Variants in ESRP1 observed in about 807,000 individuals in gnomAD.
ESRP1 encodes RNA-binding motif protein 35A.
ESRP1 carries 33 observed loss-of-function variants against 81.7 expected under a neutral mutation model. The observed-to-expected ratio is 0.40, with a 90% confidence interval of 0.31 to 0.54. ESRP1 has a LOEUF of 0.54. ESRP1 is among the 20% of genes least tolerant of loss of function. ESRP1 has a pLI of 0.41. For synonymous variants in ESRP1, 320 were observed against 303.3 expected, an observed-to-expected ratio of 1.06 and a Z score of -0.57; for missense variants, 672 against 833.1, an observed-to-expected ratio of 0.81 and a Z score of 2.38.
chr8:94,651,239 CTTTTTTTTTTTT>C (rs35413910), intron 4 of ESRP1, among the ~76,000 whole-genome samples: 1 of 102,788 alleles, frequency 9.7e-6, no homozygotes. Flanking sequence ...ATAGTGTGGT[CTTTTTTTTTTTT>C]TTTTTTTTTT....
chr8:94,683,245 A>G (rs906113554), intron 13 of ESRP1, among the ~76,000 whole-genome samples: 2 of 151,900 alleles, frequency 1.3e-5, no homozygotes, highest in Non-Finnish European at 2.9e-5. Flanking sequence ...CGCCCGGCCT[A>G]TGAATATGTA....
Position 94,668,110 on chromosome 8 carries a change from C to G in ESRP1, c.1093C>G (p.Pro365Ala), listed in dbSNP as rs200256445. ...GKEGILFVTY[P>A]DGRPTGDAFV... ...GGAAGGCATCCTCTTTGTCACCTAC[C>G]CAGATGGTAGGCCAACAGGGGACGC... Residue 365 changes from proline to alanine, a missense_variant, in exon 10 of 16, where the codon CCA becomes GCA. By Grantham distance (27) the Pro-to-Ala change is conservative. Coordinates refer to ENST00000433389, the MANE Select transcript of ESRP1 (RefSeq NM_017697.4). The G allele has an allele frequency of 3.7e-5, 59 of 1,613,888 alleles. No individual in the cohort carries two copies. In the Admixed American group the frequency reaches 9.8e-4, roughly 27 times the overall value.
intron 12 of ESRP1, among the ~76,000 whole-genome samples, chr8:94,675,551 A>C (rs1008121507): frequency 6.6e-6 from 1 of 152,186 alleles, no homozygotes; most frequent in Non-Finnish European, 1.5e-5. Flanking sequence ...GTTGATCATT[A>C]ATAAGTATGA....
At chr8:94,678,952 T>C (rs997434848) in intron 13 of ESRP1, among the ~76,000 whole-genome samples, 5 of 152,232 alleles carry the variant, frequency 3.3e-5, no homozygotes, top group Non-Finnish European at 7.3e-5. Flanking sequence ...GAGAATGTTG[T>C]CAGTCTGGGA....
At chr8:94,660,344 G>A (rs535664535) in intron 4 of ESRP1, among the ~76,000 whole-genome samples, 2 of 152,228 alleles carry the variant, frequency 1.3e-5, no homozygotes, top group Non-Finnish European at 2.9e-5. Flanking sequence ...ACTCATGGCT[G>A]TAATCCCAGC....
chr8:94,660,128 A>G (rs1463560855), intron 4 of ESRP1, among the ~76,000 whole-genome samples: 4 of 152,236 alleles, frequency 2.6e-5, no homozygotes, highest in African/African-American at 7.2e-5. Flanking sequence ...CAGATTTTCA[A>G]TGTACTAGAA....
intron 4 of ESRP1, among the ~76,000 whole-genome samples, chr8:94,660,709 CAAAAAAAAAAAAAAAAAA>C (rs60316449): frequency 1.1e-4 from 5 of 43,532 alleles, no homozygotes; most frequent in African/African-American, 4.3e-4. Flanking sequence ...GAGACTATCT[CAAAAAAAAAAAAAAAAAA>C]AAAAAAAAAA....
intron 10 of ESRP1, among the ~76,000 whole-genome samples, chr8:94,669,573 A>G (rs1288120481): frequency 4.6e-5 from 7 of 152,126 alleles, no homozygotes; most frequent in Non-Finnish European, 5.9e-5. Flanking sequence ...TACAATTTAA[A>G]ATTTAAATCT....
intron 9 of ESRP1, 82 bp downstream of exon 9, chr8:94,665,278 A>C: frequency 7.4e-7 from 1 of 1,344,576 alleles, no homozygotes; most frequent in Non-Finnish European, 1.0e-6. Context: ...GAGTAGGTGA[A>C]TAGGGTCATG....
intron 11 of ESRP1, among the ~76,000 whole-genome samples, chr8:94,673,784 C>T (rs1403889565): frequency 1.3e-5 from 2 of 152,142 alleles, no homozygotes; most frequent in African/African-American, 4.8e-5. Flanking sequence ...TGCCCCCAAG[C>T]CACATTCCAA....
chr8:94,641,488 G>C (rs550732927), intron 1 of ESRP1, 38 bp downstream of exon 1: 2 of 1,613,456 alleles, frequency 1.2e-6, no homozygotes, highest in African/African-American at 2.7e-5. Flanking sequence ...CAAGGAATGG[G>C]GCAAGAAGTT....
intron 15 of ESRP1, among the ~76,000 whole-genome samples, chr8:94,697,229 G>C (rs185669122): frequency 4.1e-4 from 63 of 152,220 alleles, no homozygotes; most frequent in African/African-American, 1.4e-3. Flanking sequence ...CTCATGTGGA[G>C]TACAAGTTGG....
Position 94,668,142 on chromosome 8 carries a change from C to T in ESRP1, c.1125C>T (p.Val375=), listed in dbSNP as rs1479092657. ...GTAGGCCAACAGGGGACGCTTTTGT[C>T]CTCTTTGCCTGTGAGGAATATGCAC... ...PDGRPTGDAF[V]LFACEEYAQN... Residue 375 remains valine, a synonymous_variant, in exon 10 of 16, where the codon GTC becomes GTT. Coordinates refer to ENST00000433389, the MANE Select transcript of ESRP1 (RefSeq NM_017697.4). The T allele has an allele frequency of 3.1e-6, 5 of 1,613,980 alleles. No homozygotes were observed. Among genetic ancestry groups the T allele is most frequent in the Non-Finnish European group, 4.2e-6 (5 of 1,179,882 alleles).
intron 9 of ESRP1, among the ~76,000 whole-genome samples, chr8:94,666,414 T>G (rs532533287): frequency 9.2e-5 from 14 of 152,338 alleles, no homozygotes; most frequent in Non-Finnish European, 1.8e-4. Flanking sequence ...CTTTTGACTT[T>G]AATATGTTGT....
At chr8:94,650,952 G>T (rs762633967) in intron 4 of ESRP1, among the ~76,000 whole-genome samples, 1 of 152,098 alleles carries the variant, frequency 6.6e-6, no homozygotes, top group Non-Finnish European at 1.5e-5. Context: ...TGATCCGCCC[G>T]CCTTGGCCTC....
intron 15 of ESRP1, among the ~76,000 whole-genome samples, chr8:94,697,531 T>C (rs1217327012): frequency 6.6e-6 from 1 of 152,276 alleles, no homozygotes; most frequent in Admixed American, 6.5e-5. Flanking sequence ...CACGTGTTAA[T>C]GCTTCATTTG....
intron 15 of ESRP1, among the ~76,000 whole-genome samples, chr8:94,704,715 C>G (rs1809986296): frequency 1.4e-5 from 2 of 145,076 alleles, no homozygotes; most frequent in Non-Finnish European, 1.5e-5. Flanking sequence ...GAGCTCTGAT[C>G]TCACCACTGT....
intron 2 of ESRP1, among the ~76,000 whole-genome samples, chr8:94,642,983 T>C (rs578169776): frequency 6.6e-6 from 1 of 152,376 alleles, no homozygotes; most frequent in South Asian, 2.1e-4. Flanking sequence ...CACTAGGGAA[T>C]GATGTAATCT....
chr8:94,667,068 G>GGGGGTGTGTGTGTGTGT (rs1554577644), intron 9 of ESRP1, among the ~76,000 whole-genome samples: 1 of 144,320 alleles, frequency 6.9e-6, no homozygotes, highest in Non-Finnish European at 1.5e-5. Flanking sequence ...CCAGGAGAGG[G>GGGGGTGTGTGTGTGTGT]GTGTGTGTGT....
Sources: allele counts gnomAD v4.1 joint callset (sites outside exome capture counted in the v4.1 genomes callset), GRCh38; gene constraint gnomAD v4.1.1; transcripts MANE v1.5; gene names NCBI Gene and HGNC (gene_info 2026-07-23, HGNC 2026-07-21).